BICD1: variants seen among roughly 807,000 people sequenced by gnomAD.
BICD1 encodes the protein BICD cargo adaptor 1.
BICD1 carries 35 observed loss-of-function variants against 92.5 expected under a neutral mutation model. The observed-to-expected ratio is 0.38, with a 90% CI of 0.29 to 0.50. The LOEUF (loss-of-function observed/expected upper bound fraction) is 0.50, where lower values mean the gene tolerates loss of function less well. BICD1 is among the 20% of genes least tolerant of loss of function. BICD1 has a pLI of 0.93. For missense variants in BICD1, 950 were observed against 1,189.8 expected, an observed-to-expected ratio of 0.80 and a Z score of 2.97; for synonymous variants, 429 against 465.1, an observed-to-expected ratio of 0.92 and a Z score of 1.00.
chr12:32,109,221 A>C (rs182041825), intron 1 of BICD1: 1 of 152,368 alleles, frequency 6.6e-6, no homozygotes, highest in African/African-American at 2.4e-5. Context: ...TTGCTACACC[A>C]TGAGCTTTGC....
chr12:32,138,843 A>G (rs36076328), intron 1 of BICD1, among the ~76,000 whole-genome samples: 4,482 of 152,306 alleles, frequency 0.029, 90 homozygotes, highest in Non-Finnish European at 0.044. Context: ...CTGTATATGT[A>G]TGTGTTTAGA....
intron 2 of BICD1, among the ~76,000 whole-genome samples, chr12:32,268,262 C>T (rs1486961099): frequency 3.3e-5 from 5 of 152,090 alleles, no homozygotes; most frequent in Non-Finnish European, 1.5e-5. Flanking sequence ...TTTCTTCCTT[C>T]GAAGAGAAGG....
At chr12:32,168,484 G>A (rs142000966) in intron 1 of BICD1, among the ~76,000 whole-genome samples, 1 of 152,246 alleles carries the variant, frequency 6.6e-6, no homozygotes, top group African/African-American at 2.4e-5. Flanking sequence ...GGGAGGGTGG[G>A]GTTGGGTGTC....
intron 2 of BICD1, among the ~76,000 whole-genome samples, chr12:32,245,032 C>G (rs1946337520): frequency 6.6e-6 from 1 of 152,152 alleles, no homozygotes; most frequent in South Asian, 2.1e-4. Context: ...CAGGCCCCAC[C>G]ACTTATTTTC....
At chr12:32,350,289 C>T (rs534041837) in intron 8 of BICD1, among the ~76,000 whole-genome samples, 2 of 152,162 alleles carry the variant, frequency 1.3e-5, no homozygotes, top group South Asian at 2.1e-4. Flanking sequence ...TCAAGACCAG[C>T]CTGGGCAACA....
At chr12:32,244,514 A>T (rs1162261402) in intron 2 of BICD1, among the ~76,000 whole-genome samples, 1 of 152,138 alleles carries the variant, frequency 6.6e-6, no homozygotes, top group Admixed American at 6.5e-5. Flanking sequence ...CCTACTTCTT[A>T]TTCTATTCCT....
chr12:32,215,923 C>CA (rs1945343494), intron 1 of BICD1, among the ~76,000 whole-genome samples: 1 of 130,658 alleles, frequency 7.7e-6, no homozygotes, highest in African/African-American at 3.0e-5. Context: ...CACTGCCCTC[C>CA]AGCCTGGGCG....
chr12:32,309,380 A>G (rs1413634123), intron 4 of BICD1, among the ~76,000 whole-genome samples: 2 of 152,186 alleles, frequency 1.3e-5, no homozygotes, highest in Admixed American at 1.3e-4. Context: ...GTGTGTTTTA[A>G]AAATTCAGGT....
chr12:32,367,801 C>T (rs1047309213), intron 9 of BICD1, 56 bp downstream of exon 9: 2 of 1,504,120 alleles, frequency 1.3e-6, no homozygotes, highest in East Asian at 4.5e-5. Context: ...CCATAGACCC[C>T]AGCTCCCCTT....
chr12:32,339,243 A>G, intron 8 of BICD1: 6 of 1,167,638 alleles, frequency 5.1e-6, no homozygotes, highest in Non-Finnish European at 5.3e-6. Flanking sequence ...GGAAATTAGC[A>G]ACAAGCACAA....
chr12:32,225,430 T>TTTTTCATG (rs1945648525), intron 2 of BICD1, among the ~76,000 whole-genome samples: 1 of 152,130 alleles, frequency 6.6e-6, no homozygotes, highest in Non-Finnish European at 1.5e-5. Context: ...TCATGTACAC[T>TTTTTCATG]TACGTTTTCG....
At chr12:32,237,907 G>T (rs1946119581) in intron 2 of BICD1, among the ~76,000 whole-genome samples, 1 of 152,160 alleles carries the variant, frequency 6.6e-6, no homozygotes, top group Admixed American at 6.5e-5. Flanking sequence ...TGACTTTCAA[G>T]TCTTATTATA....
chr12:32,356,838 A>T (rs1939131490), intron 8 of BICD1, among the ~76,000 whole-genome samples: 1 of 152,116 alleles, frequency 6.6e-6, no homozygotes, highest in South Asian at 2.1e-4. Context: ...CAACTTTTCT[A>T]TCTCCACGTC....
At chr12:32,236,373 T>C (rs12317202) in intron 2 of BICD1, among the ~76,000 whole-genome samples, 18,233 of 151,818 alleles carry the variant, frequency 0.12, 1,783 homozygotes, top group African/African-American at 0.27. Context: ...CTAGCCTCAG[T>C]GATAGAGCAA....
intron 8 of BICD1, among the ~76,000 whole-genome samples, chr12:32,346,611 T>TATATATATATATATATACAC (rs1334627421): frequency 2.5e-4 from 1 of 3,952 alleles, no homozygotes; most frequent in Non-Finnish European, 4.1e-4. Flanking sequence ...TATATATATA[T>TATATATATATATATATACAC]ACGTGTATAT....
rs77047336 is a variant in BICD1 at position 32,252,714 on chromosome 12, G to A, written c.426+36255G>A. ...AAATCCCCAGGCCAGGTGGCCTCAC[G>A]CTGCTAAGTGGCACATAGTGTCAGT... On this transcript the variant is annotated intron_variant, in intron 2 of 9. Coordinates refer to ENST00000652176, the MANE Select transcript of BICD1 (RefSeq NM_001714.4). Among the ~76,000 whole-genome samples, 1,175 of 152,244 alleles carry A rather than the reference G, an allele frequency of 7.7e-3. 14 individuals carry two copies. The highest frequency in any genetic ancestry group is 0.027 in the African/African-American group (1,124 of 41,540).
chr12:32,282,212 T>C (rs1462606016), intron 2 of BICD1, among the ~76,000 whole-genome samples: 2 of 20,770 alleles, frequency 9.6e-5, no homozygotes, highest in Non-Finnish European at 2.8e-4. Context: ...CTTTTTTTTT[T>C]TTTTTTTTTT....
In BICD1 at chr12:32,215,622, A is replaced by G. The variant is rs146284909; in HGVS notation, c.214-625A>G. Among the ~76,000 whole-genome samples, 326 of 152,216 alleles carry G rather than the reference A, an allele frequency of 2.1e-3. 1 individual carries two copies. The highest frequency in any genetic ancestry group is 7.6e-3 in the African/African-American group (315 of 41,522). On this transcript the variant is annotated intron_variant, in intron 1 of 9. Transcript: ENST00000652176. ...CATGAATTTTGATGGGCTTATTAAC[A>G]CTGAACTATTTCTTGATAAGAGTTG...
intron 2 of BICD1, among the ~76,000 whole-genome samples, chr12:32,280,242 A>C (rs1280101780): frequency 6.6e-6 from 1 of 152,218 alleles, no homozygotes; most frequent in East Asian, 1.9e-4. Context: ...AACTTATATA[A>C]TACAGATTAA....
Sources: gnomAD v4.1 joint callset for allele counts (sites outside exome capture counted in the v4.1 genomes callset) on GRCh38, gnomAD v4.1.1 for gene constraint, MANE v1.5 for transcripts, NCBI Gene and HGNC (gene_info 2026-07-23, HGNC 2026-07-21) for gene names.